Variants in MAML2 observed in about 807,000 individuals in gnomAD.
The protein encoded by MAML2 is mastermind-like protein 2.
Under a neutral mutation model 96.1 loss-of-function variants are expected in MAML2, and 22 were observed. The ratio of observed to expected loss-of-function variants is 0.23; its 90% confidence interval spans 0.16 to 0.33. The LOEUF is 0.33. Among genes scored for constraint, MAML2 ranks in the 10% least tolerant of loss-of-function variants. The probability of loss-of-function intolerance (pLI) is 1.00; values close to 1 mark genes in which losing one functional copy is unlikely to be tolerated. For missense variants in MAML2, 1,367 were observed against 1,392.4 expected (o/e 0.98, Z 0.29); for synonymous variants, 561 against 521.3 (o/e 1.08, Z -1.04).
intron 1 of MAML2, among the ~76,000 whole-genome samples, chr11:96,156,738 A>C (rs1343038802): frequency 1.3e-5 from 2 of 152,248 alleles, no homozygotes; most frequent in Admixed American, 1.3e-4. Flanking sequence ...ATCCAGAAGT[A>C]CTAAGATTAA....
chr11:96,189,376 A>G (rs1861621009), intron 1 of MAML2, among the ~76,000 whole-genome samples: 1 of 152,248 alleles, frequency 6.6e-6, no homozygotes, highest in African/African-American at 2.4e-5. Context: ...ACATACCAAT[A>G]GTTACTCCTA....
At chr11:96,083,325 T>C (rs1859557099) in intron 2 of MAML2, among the ~76,000 whole-genome samples, 2 of 152,226 alleles carry the variant, frequency 1.3e-5, no homozygotes, top group South Asian at 4.1e-4. Flanking sequence ...TTCCATTGCC[T>C]TCAGGATGAG....
chr11:96,203,333 T>C (rs1272179030), intron 1 of MAML2, among the ~76,000 whole-genome samples: 2 of 152,248 alleles, frequency 1.3e-5, no homozygotes, highest in Non-Finnish European at 2.9e-5. Context: ...ATTTTTCAAA[T>C]AATTGCACCA....
At chr11:96,111,788 A>G (rs1860128405) in intron 1 of MAML2, among the ~76,000 whole-genome samples, 1 of 152,258 alleles carries the variant, frequency 6.6e-6, no homozygotes, top group African/African-American at 2.4e-5. Flanking sequence ...TTCAGAGCCC[A>G]CAGCTGGCTA....
chr11:96,049,792 T>A (rs1858962228), intron 2 of MAML2, among the ~76,000 whole-genome samples: 1 of 152,238 alleles, frequency 6.6e-6, no homozygotes, highest in African/African-American at 2.4e-5. Flanking sequence ...CTTTTACTAA[T>A]TCAAGTGTGT....
intron 1 of MAML2, among the ~76,000 whole-genome samples, chr11:96,198,238 C>T (rs1861759627): frequency 1.3e-5 from 2 of 152,186 alleles, no homozygotes; most frequent in South Asian, 4.1e-4. Flanking sequence ...AGTTTGCTTT[C>T]CCCAGAGATA....
intron 1 of MAML2, among the ~76,000 whole-genome samples, chr11:96,168,376 T>C (rs913062289): frequency 3.5e-4 from 54 of 152,194 alleles, no homozygotes; most frequent in African/African-American, 1.3e-3. Context: ...TCTATCTACC[T>C]ATCTAACTCT....
At chr11:95,982,813 G>C (rs1857762710) in intron 4 of MAML2, among the ~76,000 whole-genome samples, 1 of 152,064 alleles carries the variant, frequency 6.6e-6, no homozygotes, top group Non-Finnish European at 1.5e-5. Flanking sequence ...AGATTATAGT[G>C]GAGCTGAAAA....
chr11:96,034,587 G>A (rs1022079740), intron 2 of MAML2, among the ~76,000 whole-genome samples: 1 of 152,112 alleles, frequency 6.6e-6, no homozygotes, highest in Non-Finnish European at 1.5e-5. Context: ...AAAAAATTTT[G>A]TGGAAGTAGC....
chr11:96,133,533 C>T (rs535103702), intron 1 of MAML2, among the ~76,000 whole-genome samples: 1 of 152,206 alleles, frequency 6.6e-6, no homozygotes, highest in African/African-American at 2.4e-5. Context: ...TCAGCCTTCT[C>T]TTGGTCAATC....
chr11:96,031,828 A>G (rs1858619728), intron 2 of MAML2, among the ~76,000 whole-genome samples: 1 of 152,024 alleles, frequency 6.6e-6, no homozygotes, highest in Non-Finnish European at 1.5e-5. Context: ...TACTAAAAAT[A>G]CAAAAAAATT....
At chr11:96,175,143 A>G (rs764629994) in intron 1 of MAML2, among the ~76,000 whole-genome samples, 1 of 152,232 alleles carries the variant, frequency 6.6e-6, no homozygotes, top group Non-Finnish European at 1.5e-5. Flanking sequence ...AGGAATATTT[A>G]TTTTAGGAGT....
intron 1 of MAML2, among the ~76,000 whole-genome samples, chr11:96,106,333 C>A (rs996729486): frequency 6.6e-6 from 1 of 152,200 alleles, no homozygotes; most frequent in African/African-American, 2.4e-5. Flanking sequence ...TTTGTCAAAG[C>A]AGTAAGCCCT....
chr11:96,197,780 G>T (rs1861752606), intron 1 of MAML2, among the ~76,000 whole-genome samples: 6 of 152,212 alleles, frequency 3.9e-5, no homozygotes, highest in Admixed American at 3.9e-4. Context: ...TGGGCCAAGG[G>T]AGGTACCAGA....
At chr11:96,114,979 T>C (rs1860209396) in intron 1 of MAML2, among the ~76,000 whole-genome samples, 1 of 152,148 alleles carries the variant, frequency 6.6e-6, no homozygotes, top group Non-Finnish European at 1.5e-5. Flanking sequence ...GGAGGTTGGT[T>C]AGAAACTGAG....
chr11:96,155,552 G>A (rs866692243), intron 1 of MAML2, among the ~76,000 whole-genome samples: 5 of 41,902 alleles, frequency 1.2e-4, no homozygotes, highest in Non-Finnish European at 2.1e-4. Context: ...ATATATATAT[G>A]AGGAAAGTCT....
chr11:95,980,803 C>T (rs1289039974), intron 4 of MAML2, among the ~76,000 whole-genome samples: 1 of 152,190 alleles, frequency 6.6e-6, no homozygotes, highest in Non-Finnish European at 1.5e-5. Context: ...CTCAAAGTGC[C>T]TGCCAGTTAA....
rs144363130 is a variant in MAML2, at chr11:96,246,934, A to G, written c.513+94449T>C. ...TGTTAATGCCAAGTGAAACAAGGAC[A>G]TAATTCATACTCCAGTTGCCTTTCT... On this transcript the variant is annotated intron_variant, in intron 1 of 4. Coordinates refer to ENST00000524717, the MANE Select transcript of MAML2 (RefSeq NM_032427.4). 4.6e-5 allele frequency among the ~76,000 whole-genome samples: 7 copies of G among 152,310 alleles called. No homozygotes were observed. The South Asian group carries it at 6.2e-4, about 14-fold the overall frequency.
At chr11:96,332,742 C>T (rs189288478) in intron 1 of MAML2, among the ~76,000 whole-genome samples, 1 of 152,324 alleles carries the variant, frequency 6.6e-6, no homozygotes, top group East Asian at 1.9e-4. Flanking sequence ...CTTAGGTGAA[C>T]AGAAACATCA....
Sources: allele counts gnomAD v4.1 joint callset (sites outside exome capture counted in the v4.1 genomes callset), GRCh38; gene constraint gnomAD v4.1.1; transcripts MANE v1.5; gene names NCBI Gene and HGNC (gene_info 2026-07-23, HGNC 2026-07-21).